TMEM132D: variants seen among roughly 807,000 people sequenced by gnomAD.
The protein encoded by TMEM132D is mature OL transmembrane protein.
Under a neutral mutation model 62.3 loss-of-function variants are expected in TMEM132D, and 21 were observed. That is an observed-to-expected ratio of 0.34 (90% CI 0.24 to 0.49). The LOEUF (loss-of-function observed/expected upper bound fraction) is 0.49. Ranked by LOEUF, TMEM132D falls within the 20% of genes least tolerant of loss-of-function variation. TMEM132D has a pLI of 0.99. For missense variants in TMEM132D, 1,346 were observed against 1,402.8 expected, an observed-to-expected ratio of 0.96 and a Z score of 0.65; for synonymous variants, 621 against 575.6, an observed-to-expected ratio of 1.08 and a Z score of -1.13.
intron 1 of TMEM132D, among the ~76,000 whole-genome samples, chr12:129,724,378 A>G (rs1868950566): frequency 6.6e-6 from 1 of 152,222 alleles, no homozygotes; most frequent in South Asian, 2.1e-4. Flanking sequence ...GGAAGAAAAG[A>G]AGGAAACAGA....
intron 1 of TMEM132D, among the ~76,000 whole-genome samples, chr12:129,718,000 T>C (rs1382218628): frequency 6.6e-6 from 1 of 152,210 alleles, no homozygotes; most frequent in East Asian, 1.9e-4. Flanking sequence ...GAAGGTGCGT[T>C]GTGTGTTAGC....
intron 3 of TMEM132D, among the ~76,000 whole-genome samples, chr12:129,456,724 AC>A (rs1873481973): frequency 6.6e-6 from 1 of 152,042 alleles, no homozygotes; most frequent in Non-Finnish European, 1.5e-5. Flanking sequence ...TTCCTCATCC[AC>A]CCAATGGTCA....
chr12:129,179,055 G>C (rs1295467634), intron 5 of TMEM132D, among the ~76,000 whole-genome samples: 1 of 152,196 alleles, frequency 6.6e-6, no homozygotes, highest in Non-Finnish European at 1.5e-5. Flanking sequence ...TGCCAGCTGT[G>C]TGAAAGAGGA....
intron 2 of TMEM132D, among the ~76,000 whole-genome samples, chr12:129,592,901 AGTTT>A (rs1878233684): frequency 6.6e-6 from 1 of 152,172 alleles, no homozygotes; most frequent in Non-Finnish European, 1.5e-5. Context: ...AAACCTCTGT[AGTTT>A]GTAATTGTTT....
intron 4 of TMEM132D, among the ~76,000 whole-genome samples, chr12:129,265,182 AG>A (rs2135597445): frequency 6.6e-6 from 1 of 152,324 alleles, no homozygotes; most frequent in Non-Finnish European, 1.5e-5. Context: ...TGATGGCCAA[AG>A]GGATGTCAGG....
At chr12:129,814,703 T>G (rs768602676) in intron 1 of TMEM132D, among the ~76,000 whole-genome samples, 1 of 152,044 alleles carries the variant, frequency 6.6e-6, no homozygotes, top group Admixed American at 6.5e-5. Flanking sequence ...CTAGGCTTCT[T>G]CCAAGCCTTC....
chr12:129,636,093 T>C (rs1879468663), intron 2 of TMEM132D, among the ~76,000 whole-genome samples: 1 of 152,194 alleles, frequency 6.6e-6, no homozygotes, highest in African/African-American at 2.4e-5. Context: ...GTTCTTATTA[T>C]GTAGATGAAG....
At chr12:129,281,900 C>T (rs1881165360) in intron 4 of TMEM132D, among the ~76,000 whole-genome samples, 1 of 152,202 alleles carries the variant, frequency 6.6e-6, no homozygotes, top group African/African-American at 2.4e-5. Context: ...TGTCTTTCCT[C>T]AATGGGGCTC....
At chr12:129,839,210 AC>A (rs1873105978) in intron 1 of TMEM132D, among the ~76,000 whole-genome samples, 1 of 137,828 alleles carries the variant, frequency 7.3e-6, no homozygotes, top group Non-Finnish European at 1.5e-5. Context: ...CAGCCCCGCA[AC>A]CTTCGCCTCC....
rs1184672628 is a variant in TMEM132D at position 129,858,906 on chromosome 12, G to A, written c.79+44355C>T. ...GGTGCCCTTATAACAGAGTCCGGGGGATGGGATGGCTGCCCTTGTAACGGA... is the reference window on the plus strand; with the variant it reads ...GGTGCCCTTATAACAGAGTCCGGGGAATGGGATGGCTGCCCTTGTAACGGA... On this transcript the variant is annotated intron_variant, in intron 1 of 8. Transcript: ENST00000422113. 3.6e-4 allele frequency among the ~76,000 whole-genome samples: 47 copies of A among 131,134 alleles called. 3 individuals are homozygous for A. Among genetic ancestry groups the A allele is most frequent in the Non-Finnish European group, 6.0e-4 (36 of 60,000 alleles). 86.0% of individuals were successfully genotyped at this position (131,134 alleles called of 152,430 possible). A position where few individuals can be genotyped will look rare whatever the true frequency, so the allele number is the denominator to read the frequency against.
chr12:129,835,288 G>A (rs1336652095), intron 1 of TMEM132D, among the ~76,000 whole-genome samples: 1 of 152,006 alleles, frequency 6.6e-6, no homozygotes, highest in Non-Finnish European at 1.5e-5. Context: ...GTTTTGAGGG[G>A]TTCGTCTTTG....
intron 4 of TMEM132D, among the ~76,000 whole-genome samples, chr12:129,334,012 T>G (rs1040169430): frequency 1.3e-5 from 2 of 152,000 alleles, no homozygotes; most frequent in Non-Finnish European, 2.9e-5. Flanking sequence ...TCCCAGCTAC[T>G]TGAGAGGCTG....
intron 1 of TMEM132D, among the ~76,000 whole-genome samples, chr12:129,733,662 T>G (rs1593140171): frequency 6.7e-6 from 1 of 149,604 alleles, no homozygotes; most frequent in African/African-American, 2.5e-5. Context: ...TTGAAAACAA[T>G]CGCTCTGGTT....
chr12:129,587,364 G>T (rs1261040371), intron 2 of TMEM132D, among the ~76,000 whole-genome samples: 2 of 152,166 alleles, frequency 1.3e-5, no homozygotes, highest in African/African-American at 4.8e-5. Flanking sequence ...CACGTAGAGG[G>T]TAAGGATACA....
chr12:129,240,491 GGAT>G (rs1440158702), intron 4 of TMEM132D, among the ~76,000 whole-genome samples: 3 of 152,082 alleles, frequency 2.0e-5, no homozygotes, highest in African/African-American at 7.2e-5. Flanking sequence ...TCCCAAATGA[GGAT>G]GTATCAACCT....
At chr12:129,350,049 C>A (rs1472925906) in intron 3 of TMEM132D, among the ~76,000 whole-genome samples, 1 of 152,172 alleles carries the variant, frequency 6.6e-6, no homozygotes, top group East Asian at 1.9e-4. Flanking sequence ...TTACCTGTAG[C>A]CTTATTACGG....
chr12:129,864,259 A>G (rs922595724), intron 1 of TMEM132D, among the ~76,000 whole-genome samples: 2 of 152,188 alleles, frequency 1.3e-5, no homozygotes, highest in Non-Finnish European at 2.9e-5. Context: ...TCAGGCCTTG[A>G]GATGATTCCA....
intron 3 of TMEM132D, among the ~76,000 whole-genome samples, chr12:129,457,275 T>A (rs1873502870): frequency 6.6e-6 from 1 of 150,854 alleles, no homozygotes; most frequent in African/African-American, 2.4e-5. Context: ...AAATGATGAG[T>A]TTATGTCCTT....
intron 3 of TMEM132D, among the ~76,000 whole-genome samples, chr12:129,368,998 G>A (rs185980500): frequency 1.0e-3 from 159 of 152,278 alleles, no homozygotes; most frequent in Admixed American, 1.8e-3. Flanking sequence ...ACAGCGAGGC[G>A]GCACAGCAGA....
Sources: allele counts gnomAD v4.1 joint callset (sites outside exome capture counted in the v4.1 genomes callset), GRCh38; gene constraint gnomAD v4.1.1; transcripts MANE v1.5; gene names NCBI Gene and HGNC (gene_info 2026-07-23, HGNC 2026-07-21).